ERN1: variants seen among roughly 807,000 people sequenced by gnomAD.
ERN1 encodes the protein serine/threonine-protein kinase/endoribonuclease IRE1.
A neutral mutation model predicts 113.1 loss-of-function variants in ERN1; 39 were observed. The ratio of observed to expected loss-of-function variants is 0.34; its 90% CI spans 0.27 to 0.45. The LOEUF (loss-of-function observed/expected upper bound fraction) is 0.45. ERN1 is among the 20% of genes least tolerant of loss of function. ERN1 has a pLI of 1.00. For missense variants in ERN1, 976 were observed against 1,274.8 expected (o/e 0.77, Z 3.57); for synonymous variants, 507 against 515.9 (o/e 0.98, Z 0.23).
chr17:64,075,094 C>G, intron 5 of ERN1, 81 bp downstream of exon 5: 67 of 1,144,642 alleles, frequency 5.9e-5, no homozygotes, highest in Non-Finnish European at 7.9e-5. Context: ...GTGACTGCGC[C>G]CTCTCTCTCC....
At chr17:64,077,965 C>T (rs973830968) in intron 4 of ERN1, among the ~76,000 whole-genome samples, 1 of 152,060 alleles carries the variant, frequency 6.6e-6, no homozygotes, top group Admixed American at 6.5e-5. Context: ...GATCTCCTGA[C>T]CTCGTGATCC....
intron 1 of ERN1, among the ~76,000 whole-genome samples, chr17:64,124,618 T>C (rs1466602160): frequency 3.9e-5 from 6 of 152,204 alleles, no homozygotes; most frequent in Non-Finnish European, 5.9e-5. Context: ...CTTACCTTTT[T>C]TCATGATTGT....
chr17:64,102,575 C>G (rs764690523), intron 1 of ERN1: 1 of 828,780 alleles, frequency 1.2e-6, no homozygotes, highest in Non-Finnish European at 1.5e-6. Context: ...AAAGCATGAA[C>G]ATGCCTGAGT....
rs750842031 is a variant in ERN1 at position 64,052,926 on chromosome 17, C to A, written c.2107G>T (p.Gly703Cys). 6 of 1,613,600 alleles carry A rather than the reference C, an allele frequency of 3.7e-6. No individual in the cohort carries two copies. The highest frequency in any genetic ancestry group is 4.2e-6 in the Non-Finnish European group (5 of 1,179,790). ...TCGGAGATCATGGCCTTGATCTTGCCGTGTGCATTGGGCATGGATATGAGG... is the reference window on the plus strand; with the variant it reads ...TCGGAGATCATGGCCTTGATCTTGCAGTGTGCATTGGGCATGGATATGAGG... Reference protein sequence around the residue: ...NILISMPNAHGKIKAMISDFG... With the variant: ...NILISMPNAHCKIKAMISDFG... The change falls in exon 17 of 22, where the codon GGC (glycine) becomes TGC (cysteine). Residue 703 changes from glycine (G) to cysteine (C), a missense_variant. Gly to Cys is a radical substitution (Grantham distance 159). Around this residue, in one of 5 missense-constraint regions of ERN1, gnomAD observed 297 missense variants for 457.8 expected, o/e 0.65. Transcript: ENST00000433197.
At chr17:64,125,678 G>A (rs868194494) in intron 1 of ERN1, among the ~76,000 whole-genome samples, 3 of 152,050 alleles carry the variant, frequency 2.0e-5, no homozygotes, top group South Asian at 2.1e-4. Flanking sequence ...TAGTACAGAC[G>A]GAGTTTTGCC....
chr17:64,108,536 C>T (rs1271149221), intron 1 of ERN1, among the ~76,000 whole-genome samples: 1 of 152,184 alleles, frequency 6.6e-6, no homozygotes, highest in Non-Finnish European at 1.5e-5. Flanking sequence ...CCAAATCCCA[C>T]ACTTTAGGAA....
At chr17:64,052,086 C>A (rs1200019675) in intron 17 of ERN1, among the ~76,000 whole-genome samples, 3 of 152,300 alleles carry the variant, frequency 2.0e-5, no homozygotes, top group African/African-American at 7.2e-5. Context: ...ATTCTTTCAG[C>A]CAGATGCTGT....
chr17:64,081,055 CCAGAA>C (rs1439870502), intron 2 of ERN1, among the ~76,000 whole-genome samples: 3 of 152,118 alleles, frequency 2.0e-5, no homozygotes, highest in Non-Finnish European at 4.4e-5. Context: ...AGAACTGAGA[CCAGAA>C]CAGAACTGCT....
chr17:64,068,345 T>C, intron 6 of ERN1, 54 bp from the exon 7 acceptor site: 1 of 1,230,216 alleles, frequency 8.1e-7, no homozygotes, highest in South Asian at 1.3e-5. Flanking sequence ...TAGTACCTAC[T>C]GAGGTGTGGT....
intron 17 of ERN1, among the ~76,000 whole-genome samples, chr17:64,051,373 AC>A (rs1484123315): frequency 6.6e-6 from 1 of 152,102 alleles, no homozygotes; most frequent in African/African-American, 2.4e-5. Flanking sequence ...GAGGAAATGA[AC>A]CCTTATGGTA....
chr17:64,054,228 A>G lies in ERN1; in HGVS notation c.1953+22T>C, dbSNP rs1912779162. 1.1e-5 allele frequency: 18 copies of G among 1,583,548 alleles called. No individual in the cohort carries two copies. Among genetic ancestry groups the G allele is most frequent in the Non-Finnish European group, 1.5e-5 (17 of 1,162,854 alleles). On this transcript the variant is annotated intron_variant, in intron 15 of 21. Coordinates refer to ENST00000433197, the MANE Select transcript of ERN1 (RefSeq NM_001433.5). This position sits in a 1 kb window ranked among gnomAD's most constrained non-coding sequence, Gnocchi z 4.9. ...GTGCTATGACTTTAATAAAGTTAAC[A>G]AAATAAAAAAAATAAATCCACCTCT...
intron 16 of ERN1, 41 bp from the exon 17 acceptor site, chr17:64,053,020 C>G (rs1275445944): frequency 2.9e-6 from 4 of 1,399,946 alleles, no homozygotes; most frequent in Non-Finnish European, 3.8e-6. Context: ...TTACCAGGAG[C>G]AACCCCAGGC....
At chr17:64,082,035 T>G (rs981847475) in intron 2 of ERN1, among the ~76,000 whole-genome samples, 45 of 152,352 alleles carry the variant, frequency 3.0e-4, no homozygotes, top group African/African-American at 1.1e-3. Flanking sequence ...TGATTTTGTA[T>G]GCAGAATTCC....
At chr17:64,056,052 A>T in intron 12 of ERN1, 104 bp from the exon 13 acceptor site, 1 of 1,441,900 alleles carries the variant, frequency 6.9e-7, no homozygotes, top group Non-Finnish European at 9.1e-7. Flanking sequence ...TGTGTACTTT[A>T]TGTGACCCAA....
Position 64,126,540 on chromosome 17 carries a change from A to G in ERN1, c.54+3436T>C, listed in dbSNP as rs143852930. On this transcript the variant is annotated intron_variant, in intron 1 of 21. Coordinates refer to ENST00000433197, the MANE Select transcript of ERN1 (RefSeq NM_001433.5). Reference sequence around the variant, plus strand: ...TGGGCTATTGTTGAACTCTCTCTCGAATAACTCTCAGATACATTTTTCTCC... The same window carrying G: ...TGGGCTATTGTTGAACTCTCTCTCGGATAACTCTCAGATACATTTTTCTCC... Among the ~76,000 whole-genome samples the G allele has an allele frequency of 2.0e-5, 3 of 152,182 alleles. No individual in the cohort carries two copies. In the East Asian group the frequency reaches 5.8e-4, roughly 29 times the overall value.
chr17:64,045,043 C>T (rs188411322), intron 20 of ERN1, 116 bp from the exon 21 acceptor site: 27 of 803,220 alleles, frequency 3.4e-5, no homozygotes, highest in Middle Eastern at 6.8e-4. Context: ...TGAGGTCACT[C>T]CACACCTAGG....
chr17:64,043,876 T>C lies in ERN1; in HGVS notation c.*112A>G. ...CTGCAGAGCAGGCAGCTCAAGGCAC[T>C]TGGTTTGGGAAGCCTGGTCTCCCTG... On this transcript the variant is annotated 3_prime_UTR_variant, in exon 22 of 22. Transcript: ENST00000433197. 1.3e-6 allele frequency: 1 copy of C among 744,386 alleles called. No individual in the cohort carries two copies. The highest frequency in any genetic ancestry group is 2.2e-6 in the Non-Finnish European group (1 of 448,082). The allele number at this position is 744,386 out of a possible 1,614,324, so 46.1% of individuals were successfully genotyped here.
At chr17:64,091,557 G>A (rs1280484589) in intron 2 of ERN1, among the ~76,000 whole-genome samples, 3 of 152,194 alleles carry the variant, frequency 2.0e-5, no homozygotes, top group Non-Finnish European at 4.4e-5. Context: ...AGCACCTCCA[G>A]AACCCAGAGA....
intron 1 of ERN1, among the ~76,000 whole-genome samples, chr17:64,109,523 C>T (rs1027752938): frequency 1.1e-4 from 16 of 152,222 alleles, no homozygotes; most frequent in African/African-American, 3.4e-4. Context: ...CACTTCTCTA[C>T]CGGCCCAGGC....
Sources: allele counts gnomAD v4.1 joint callset (sites outside exome capture counted in the v4.1 genomes callset), GRCh38; gene constraint gnomAD v4.1.1; regional missense constraint gnomAD v4.1.1; non-coding constraint Gnocchi (gnomAD v3.1); transcripts MANE v1.5; gene names NCBI Gene and HGNC (gene_info 2026-07-23, HGNC 2026-07-21).